The following SRRM4 variants were observed in gnomAD, a reference collection of about 807,000 sequenced individuals.
The protein encoded by SRRM4 is serine/arginine repetitive matrix protein 4.
A neutral mutation model predicts 68.9 loss-of-function variants in SRRM4; 33 were observed. The observed-to-expected ratio is 0.48, with a 90% CI of 0.36 to 0.64. The LOEUF is 0.64. Ranked by LOEUF, SRRM4 falls within the 30% of genes least tolerant of loss-of-function variation. The pLI is 0.00. For synonymous variants in SRRM4, 318 were observed against 318.8 expected (o/e 1.00, Z 0.03); for missense variants, 817 against 827.1 (o/e 0.99, Z 0.15).
At chr12:118,991,513 C>T (rs188499553) in intron 1 of SRRM4, among the ~76,000 whole-genome samples, 34 of 152,324 alleles carry the variant, frequency 2.2e-4, no homozygotes, top group African/African-American at 7.7e-4. Context: ...CCTCTCCTAA[C>T]GGTTGAGGCC....
chr12:119,001,871 T>C (rs1015654074), intron 1 of SRRM4: 4 of 151,706 alleles, frequency 2.6e-5, no homozygotes, highest in African/African-American at 9.7e-5. Flanking sequence ...TAGTCCCAGC[T>C]ACTTGGGAGG....
At chr12:119,077,881 C>T (rs1307068368) in intron 1 of SRRM4, among the ~76,000 whole-genome samples, 2 of 152,118 alleles carry the variant, frequency 1.3e-5, no homozygotes, top group Admixed American at 6.5e-5. Flanking sequence ...TTTCTCTCTC[C>T]CCAACACTAT....
At chr12:119,011,229 CAT>C (rs1953447041) in intron 1 of SRRM4, among the ~76,000 whole-genome samples, 1 of 152,072 alleles carries the variant, frequency 6.6e-6, no homozygotes, top group African/African-American at 2.4e-5. Flanking sequence ...AAGACACATA[CAT>C]GGCAAAAAAC....
At chr12:119,029,322 G>T (rs1327265828) in intron 1 of SRRM4, among the ~76,000 whole-genome samples, 3 of 152,186 alleles carry the variant, frequency 2.0e-5, no homozygotes, top group Admixed American at 6.5e-5. Context: ...GGTATGCTAA[G>T]CCCTGATGAA....
chr12:119,069,413 T>C (rs1953864730), intron 1 of SRRM4, among the ~76,000 whole-genome samples: 1 of 152,158 alleles, frequency 6.6e-6, no homozygotes, highest in Non-Finnish European at 1.5e-5. Context: ...TGGACACACG[T>C]TGGGAGGCCG....
chr12:119,089,493 G>A (rs1196183953), intron 1 of SRRM4, among the ~76,000 whole-genome samples: 1 of 152,164 alleles, frequency 6.6e-6, no homozygotes, highest in Non-Finnish European at 1.5e-5. Context: ...GGCCACTTTT[G>A]CATAAAGCCA....
chr12:119,120,439 T>G (rs755266292), intron 5 of SRRM4, among the ~76,000 whole-genome samples, 163 bp downstream of exon 5: 41 of 152,272 alleles, frequency 2.7e-4, no homozygotes, highest in Non-Finnish European at 4.3e-4. Context: ...GGCTGTTTTT[T>G]CTGAGTATTC....
At chr12:119,148,053 C>A (rs963241598) in intron 9 of SRRM4, among the ~76,000 whole-genome samples, 4 of 152,130 alleles carry the variant, frequency 2.6e-5, no homozygotes, top group African/African-American at 9.7e-5. Context: ...TGCACAGTTG[C>A]GGGATGGGTG....
chr12:119,160,033 C>A lies in SRRM4; in HGVS notation c.*3235C>A, dbSNP rs1052293874. On this transcript the variant is annotated 3_prime_UTR_variant, in exon 13 of 13. Transcript: ENST00000267260. ...CTGGCAGTGTCTTCTGGCTGCTGGC[C>A]GGAGACAGCTCTTGCCCTTTCCAAA... 2.0e-5 allele frequency: 3 copies of A among 152,180 alleles called. No homozygotes were observed. Among genetic ancestry groups the A allele is most frequent in the African/African-American group, 7.2e-5 (3 of 41,410 alleles). 9.4% of individuals were successfully genotyped at this position (152,180 alleles called of 1,614,324 possible).
chr12:119,136,874 AG>A (rs1027023440), intron 8 of SRRM4, among the ~76,000 whole-genome samples: 29 of 152,150 alleles, frequency 1.9e-4, no homozygotes, highest in Non-Finnish European at 4.0e-4. Context: ...TGCCTACCAA[AG>A]GTTCAATGCA....
In SRRM4 at chr12:119,156,822, G is replaced by C; in HGVS notation, c.*24G>C. On this transcript the variant is annotated 3_prime_UTR_variant, in exon 13 of 13. Coordinates refer to ENST00000267260, the MANE Select transcript of SRRM4 (RefSeq NM_194286.4). ...AAGTGCCCCTGAGCCAGCTGCCCGT[G>C]GGGGCCCCTTCGCGCTGCCAGCCTC... The C allele has an allele frequency of 6.7e-7, 1 of 1,499,054 alleles. No individual in the cohort carries two copies. 92.9% of individuals were successfully genotyped at this position (1,499,054 alleles called of 1,614,324 possible). A position where few individuals can be genotyped will look rare whatever the true frequency, so the allele number is the denominator to read the frequency against.
intron 1 of SRRM4, among the ~76,000 whole-genome samples, chr12:119,015,639 T>A (rs1361489707): frequency 6.6e-6 from 1 of 152,182 alleles, no homozygotes; most frequent in Non-Finnish European, 1.5e-5. Context: ...AATGGCTGCA[T>A]TGTATTTGAT....
At chr12:119,068,625 C>G (rs906520838) in intron 1 of SRRM4, among the ~76,000 whole-genome samples, 1 of 152,050 alleles carries the variant, frequency 6.6e-6, no homozygotes, top group South Asian at 2.1e-4. Context: ...ATCTCCCATG[C>G]CGCAGACCCC....
At chr12:119,103,065 A>T (rs1010259241) in intron 2 of SRRM4, among the ~76,000 whole-genome samples, 2 of 151,922 alleles carry the variant, frequency 1.3e-5, no homozygotes, top group Non-Finnish European at 2.9e-5. Flanking sequence ...CCACTCCATT[A>T]TCCTATGGAT....
At chr12:119,078,750 T>C (rs1209536766) in intron 1 of SRRM4, among the ~76,000 whole-genome samples, 1 of 151,940 alleles carries the variant, frequency 6.6e-6, no homozygotes, top group African/African-American at 2.4e-5. Context: ...TGTGACCCCG[T>C]CTCTACAAAA....
intron 7 of SRRM4, among the ~76,000 whole-genome samples, chr12:119,127,191 C>A (rs555989099): frequency 1.4e-4 from 21 of 151,600 alleles, no homozygotes; most frequent in African/African-American, 4.8e-4. Context: ...TACATGTACC[C>A]TAAAACTTAA....
chr12:119,129,514 C>G (rs191599449), intron 7 of SRRM4, among the ~76,000 whole-genome samples: 3 of 152,132 alleles, frequency 2.0e-5, no homozygotes, highest in Non-Finnish European at 4.4e-5. Flanking sequence ...CACAAAGACA[C>G]ACAGTTATAC....
intron 1 of SRRM4, among the ~76,000 whole-genome samples, chr12:119,071,916 C>A (rs1465557412): frequency 3.9e-5 from 6 of 152,176 alleles, no homozygotes; most frequent in African/African-American, 1.4e-4. Context: ...GGCACACAGT[C>A]CATGCCCATG....
At chr12:119,083,620 C>T (rs1953962678) in intron 1 of SRRM4, among the ~76,000 whole-genome samples, 1 of 152,128 alleles carries the variant, frequency 6.6e-6, no homozygotes, top group African/African-American at 2.4e-5. Flanking sequence ...GATCATGTCA[C>T]AAATAAATTA....
Sources: allele counts gnomAD v4.1 joint callset (sites outside exome capture counted in the v4.1 genomes callset), GRCh38; gene constraint gnomAD v4.1.1; transcripts MANE v1.5; gene names NCBI Gene and HGNC (gene_info 2026-07-23, HGNC 2026-07-21).